Variants in PATJ observed in about 807,000 individuals in gnomAD.
PATJ encodes the protein inaD-like protein.
Under a neutral mutation model 224.9 loss-of-function variants are expected in PATJ, and 190 were observed. The ratio of observed to expected loss-of-function variants is 0.84; its 90% CI spans 0.75 to 0.95. The LOEUF (loss-of-function observed/expected upper bound fraction) is 0.95. Among genes scored for constraint, PATJ ranks in the 40% least tolerant of loss-of-function variants. The probability of loss-of-function intolerance (pLI) is 0.00; values close to 1 mark genes in which losing one functional copy is unlikely to be tolerated. For missense variants in PATJ, 2,121 were observed against 2,270.3 expected (o/e 0.93, Z 1.34); for synonymous variants, 769 against 820.3 (o/e 0.94, Z 1.07).
chr1:61,898,033 A>G (rs1670622990), intron 22 of PATJ, among the ~76,000 whole-genome samples: 1 of 152,166 alleles, frequency 6.6e-6, no homozygotes, highest in African/African-American at 2.4e-5. Context: ...CTAGATACTA[A>G]GTCTGTAGAG....
At chr1:62,110,970 C>G (rs1416528794) in intron 34 of PATJ, among the ~76,000 whole-genome samples, 2 of 152,208 alleles carry the variant, frequency 1.3e-5, no homozygotes, top group Non-Finnish European at 2.9e-5. Context: ...AATGTTCTAG[C>G]CACGCCATGA....
intron 27 of PATJ, chr1:61,952,442 G>C (rs1418083669): frequency 7.0e-6 from 5 of 717,146 alleles, no homozygotes; most frequent in Non-Finnish European, 1.3e-5. Flanking sequence ...GTGATCTGTG[G>C]TTCTTTCGGA....
Position 62,085,319 on chromosome 1 carries a change from G to A in PATJ, c.4377+671G>A, listed in dbSNP as rs115862207. Among the ~76,000 whole-genome samples the A allele has an allele frequency of 6.8e-3, 1,028 of 151,102 alleles. 11 individuals carry two copies. Among genetic ancestry groups the A allele is most frequent in the African/African-American group, 0.024 (969 of 41,102 alleles). On this transcript the variant is annotated intron_variant, in intron 33 of 43. Transcript: ENST00000642238. ...GTGAACCGTGATCATGCCACTGCAC[G>A]CCAGCCTGGGTGACAGAGAGCAAGA...
intron 7 of PATJ, among the ~76,000 whole-genome samples, chr1:61,776,526 A>C (rs1469275863): frequency 6.6e-6 from 1 of 152,166 alleles, no homozygotes; most frequent in East Asian, 1.9e-4. Context: ...AATTTTAGTA[A>C]ATTTTGATCA....
At position 62,116,680 on chromosome 1, in the gene PATJ, G is replaced by C; in HGVS notation, c.4803+1G>C. 6.2e-7 allele frequency: 1 copy of C among 1,605,958 alleles called. No homozygotes were observed. Among genetic ancestry groups the C allele is most frequent in the Non-Finnish European group, 8.5e-7 (1 of 1,175,984 alleles). ...GGAGACAGTGGCCACCATCCTCAAGGTGAGTTGCTAGGCTGCTTTTTACCC... is the reference window on the plus strand; with the variant it reads ...GGAGACAGTGGCCACCATCCTCAAGCTGAGTTGCTAGGCTGCTTTTTACCC... On this transcript the variant is annotated splice_donor_variant, in intron 36 of 43. Coordinates refer to ENST00000642238, the MANE Select transcript of PATJ (RefSeq NM_001350145.3). LOFTEE classifies it high-confidence loss of function.
intron 25 of PATJ, among the ~76,000 whole-genome samples, chr1:61,912,873 T>G (rs1329275676): frequency 6.6e-6 from 1 of 152,190 alleles, no homozygotes; most frequent in Non-Finnish European, 1.5e-5. Flanking sequence ...CAAAGTGTTT[T>G]GTTTAAGATT....
intron 17 of PATJ, among the ~76,000 whole-genome samples, chr1:61,834,824 G>A (rs1659913101): frequency 6.6e-6 from 1 of 151,976 alleles, no homozygotes; most frequent in Non-Finnish European, 1.5e-5. Flanking sequence ...TATCTCCCTG[G>A]TTCAAGTGAT....
At chr1:61,780,524 G>T (rs970681599) in intron 7 of PATJ, among the ~76,000 whole-genome samples, 4 of 152,056 alleles carry the variant, frequency 2.6e-5, no homozygotes, top group Non-Finnish European at 2.9e-5. Flanking sequence ...ATTCTTTAAG[G>T]ATTCTTAAAA....
At chr1:61,947,769 C>G (rs1168492497) in intron 27 of PATJ, among the ~76,000 whole-genome samples, 1 of 152,100 alleles carries the variant, frequency 6.6e-6, no homozygotes, top group Non-Finnish European at 1.5e-5. Flanking sequence ...CAATCCTAAG[C>G]AAAAAGAACA....
At chr1:61,807,333 C>T (rs1036221827) in intron 13 of PATJ, among the ~76,000 whole-genome samples, 2 of 152,036 alleles carry the variant, frequency 1.3e-5, no homozygotes. Context: ...TGAGCCACCA[C>T]GCTCGCTTAA....
In PATJ at chr1:61,977,812, G is replaced by A. The variant is rs1029465193; in HGVS notation, c.3671-12356G>A. Reference sequence around the variant, plus strand: ...GGAGGATCCCTGCGGCCAGGAGTTTGAGGCTTAGTACACTATGATGGGGCC... The same window carrying A: ...GGAGGATCCCTGCGGCCAGGAGTTTAAGGCTTAGTACACTATGATGGGGCC... On this transcript the variant is annotated intron_variant, in intron 27 of 43. Transcript: ENST00000642238. 3.3e-5 allele frequency among the ~76,000 whole-genome samples: 5 copies of A among 151,212 alleles called. 1 individual carries two copies. Among genetic ancestry groups the A allele is most frequent in the African/African-American group, 1.2e-4 (5 of 40,980 alleles).
intron 21 of PATJ, among the ~76,000 whole-genome samples, chr1:61,876,386 T>G (rs1354763550): frequency 6.6e-6 from 1 of 152,242 alleles, no homozygotes; most frequent in Non-Finnish European, 1.5e-5. Context: ...GTATATTGCT[T>G]TCTAAAATTC....
chr1:61,837,625 C>G (rs1005258787), intron 17 of PATJ, among the ~76,000 whole-genome samples: 1 of 151,722 alleles, frequency 6.6e-6, no homozygotes, highest in Admixed American at 6.6e-5. Flanking sequence ...CCTGTCTGTA[C>G]TAAAAAATAC....
chr1:61,959,815 G>A (rs1453876731), intron 27 of PATJ, among the ~76,000 whole-genome samples: 5 of 151,958 alleles, frequency 3.3e-5, no homozygotes. Flanking sequence ...TTGTATGAAA[G>A]AATAAGTGCT....
At chr1:62,077,686 C>CAAAAA (rs11439364) in intron 31 of PATJ, among the ~76,000 whole-genome samples, 20 of 89,136 alleles carry the variant, frequency 2.2e-4, no homozygotes, top group African/African-American at 7.0e-4. Flanking sequence ...AGACCCTGTC[C>CAAAAA]AAAAAAAAAA....
Position 61,771,418 on chromosome 1 carries a change from T to C in PATJ, c.525-13T>C. The C allele has an allele frequency of 6.5e-7, 1 of 1,530,350 alleles. No individual in the cohort carries two copies. The highest frequency in any genetic ancestry group is 8.8e-7 in the Non-Finnish European group (1 of 1,141,048). The allele number at this position is 1,530,350 out of a possible 1,614,324, so 94.8% of individuals were successfully genotyped here. Reference sequence around the variant, plus strand: ...TAGATCACTTAAAAAATTTCTTTTCTTACATGATTAAGGGATCAAAGATTA... The same window carrying C: ...TAGATCACTTAAAAAATTTCTTTTCCTACATGATTAAGGGATCAAAGATTA... On this transcript the variant is annotated splice_polypyrimidine_tract_variant and intron_variant, in intron 5 of 43. Transcript: ENST00000642238.
At chr1:61,871,493 GTA>G (rs796652085) in intron 20 of PATJ, among the ~76,000 whole-genome samples, 42 of 27,980 alleles carry the variant, frequency 1.5e-3, no homozygotes, top group East Asian at 0.015. Context: ...GTGTATATAT[GTA>G]TATATACATA....
intron 1 of PATJ, among the ~76,000 whole-genome samples, chr1:61,759,006 A>G (rs1459563863): frequency 3.3e-5 from 5 of 152,178 alleles, no homozygotes; most frequent in African/African-American, 1.2e-4. Flanking sequence ...TATTTACAGA[A>G]GGCAATTAAG....
At chr1:62,015,557 G>A (rs1431497458) in intron 28 of PATJ, among the ~76,000 whole-genome samples, 3 of 151,964 alleles carry the variant, frequency 2.0e-5, no homozygotes, top group African/African-American at 7.3e-5. Flanking sequence ...GTGCGTGATG[G>A]ACTCTCACTC....
Sources: allele counts gnomAD v4.1 joint callset (sites outside exome capture counted in the v4.1 genomes callset), GRCh38; gene constraint gnomAD v4.1.1; transcripts MANE v1.5; gene names NCBI Gene and HGNC (gene_info 2026-07-23, HGNC 2026-07-21).